Variants in RABGAP1L observed in about 807,000 individuals in gnomAD.
The protein encoded by RABGAP1L is rab GTPase-activating protein 1-like.
RABGAP1L carries 63 observed loss-of-function variants against 137.7 expected under a neutral mutation model. The ratio of observed to expected loss-of-function variants is 0.46; its 90% confidence interval spans 0.37 to 0.56. The LOEUF (loss-of-function observed/expected upper bound fraction) is 0.56, where lower values mean the gene tolerates loss of function less well. Among genes scored for constraint, RABGAP1L ranks in the 20% least tolerant of loss-of-function variants. The pLI, the probability that RABGAP1L is intolerant of heterozygous loss-of-function variation, is 0.00. For missense variants in RABGAP1L, 1,095 were observed against 1,244.0 expected (o/e 0.88, Z 1.80); for synonymous variants, 431 against 433.7 (o/e 0.99, Z 0.08).
chr1:174,929,753 AAAATAAATAAAT>A (rs61539169), intron 19 of RABGAP1L, among the ~76,000 whole-genome samples: 168 of 140,820 alleles, frequency 1.2e-3, no homozygotes, highest in African/African-American at 2.5e-3. Flanking sequence ...GTCTCTACAA[AAAATAAATAAAT>A]AAATAAATAA....
At chr1:174,298,570 G>C (rs1438221626) in intron 10 of RABGAP1L, among the ~76,000 whole-genome samples, 1 of 152,120 alleles carries the variant, frequency 6.6e-6, no homozygotes, top group African/African-American at 2.4e-5. Flanking sequence ...CCCAAAATTT[G>C]GAATTGAGTC....
At chr1:174,388,307 G>A (rs1034687455) in intron 12 of RABGAP1L, among the ~76,000 whole-genome samples, 3 of 151,722 alleles carry the variant, frequency 2.0e-5, no homozygotes, top group African/African-American at 7.3e-5. Flanking sequence ...TACACTATCA[G>A]AAAGATGTAA....
At chr1:174,368,287 A>G (rs892959913) in intron 11 of RABGAP1L, among the ~76,000 whole-genome samples, 4 of 152,238 alleles carry the variant, frequency 2.6e-5, no homozygotes, top group South Asian at 2.1e-4. Flanking sequence ...GTTTCTTACT[A>G]TTACAAGCAG....
At chr1:174,351,918 C>T (rs1683231323) in intron 11 of RABGAP1L, among the ~76,000 whole-genome samples, 1 of 152,190 alleles carries the variant, frequency 6.6e-6, no homozygotes, top group South Asian at 2.1e-4. Context: ...TCTCTTGCCT[C>T]AGCCTCCCAG....
At chr1:174,202,665 A>G (rs1668210408) in intron 1 of RABGAP1L, among the ~76,000 whole-genome samples, 1 of 152,144 alleles carries the variant, frequency 6.6e-6, no homozygotes, top group African/African-American at 2.4e-5. Flanking sequence ...ATTAGATCCC[A>G]TTTGTCAATT....
intron 18 of RABGAP1L, among the ~76,000 whole-genome samples, chr1:174,791,597 G>C (rs1687865586): frequency 6.6e-6 from 1 of 152,122 alleles, no homozygotes; most frequent in Non-Finnish European, 1.5e-5. Flanking sequence ...TTAAAAACAG[G>C]CTTCTGCTAA....
chr1:174,728,144 TC>T (rs916565259), intron 17 of RABGAP1L, among the ~76,000 whole-genome samples: 2 of 152,218 alleles, frequency 1.3e-5, no homozygotes, highest in African/African-American at 4.8e-5. Context: ...TTAATTGGTA[TC>T]CATTTAAAAT....
intron 5 of RABGAP1L, chr1:174,245,041 C>T (rs1672141555): frequency 6.6e-6 from 1 of 152,150 alleles, no homozygotes. Context: ...AGATATGACA[C>T]TGTATAAAAG....
At chr1:174,375,765 T>G (rs1028816133) in intron 12 of RABGAP1L, among the ~76,000 whole-genome samples, 2 of 151,952 alleles carry the variant, frequency 1.3e-5, no homozygotes, top group African/African-American at 2.4e-5. Flanking sequence ...TACCAAATAT[T>G]TAAGAAAAAA....
chr1:174,958,040 C>A, intron 20 of RABGAP1L: 1 of 1,530,598 alleles, frequency 6.5e-7, no homozygotes, highest in Admixed American at 2.1e-5. Flanking sequence ...TTTAGCTGTG[C>A]ATGTCATATC....
chr1:174,892,491 T>G, intron 19 of RABGAP1L: 1 of 477,436 alleles, frequency 2.1e-6, no homozygotes, highest in Non-Finnish European at 4.2e-6. Flanking sequence ...TCTTTTCTAC[T>G]TTGTAAGTTA....
intron 13 of RABGAP1L, among the ~76,000 whole-genome samples, chr1:174,624,427 A>C (rs1343863159): frequency 6.6e-6 from 1 of 152,206 alleles, no homozygotes; most frequent in African/African-American, 2.4e-5. Context: ...AATTTAAGGA[A>C]ATAATGGACT....
chr1:174,917,087 CT>C (rs1453876174), intron 19 of RABGAP1L, among the ~76,000 whole-genome samples: 4 of 152,124 alleles, frequency 2.6e-5, no homozygotes, highest in Non-Finnish European at 5.9e-5. Flanking sequence ...TTCTCTTCCT[CT>C]TCTTGTAAGG....
At chr1:174,971,379 A>G (rs1427890756) in intron 21 of RABGAP1L, among the ~76,000 whole-genome samples, 10 of 152,066 alleles carry the variant, frequency 6.6e-5, no homozygotes, top group Admixed American at 5.9e-4. Flanking sequence ...GACTGCCATT[A>G]TAGGTATTCC....
intron 13 of RABGAP1L, among the ~76,000 whole-genome samples, chr1:174,613,505 G>A (rs930718297): frequency 5.9e-5 from 9 of 152,122 alleles, no homozygotes; most frequent in African/African-American, 1.9e-4. Flanking sequence ...AATAGGTGTG[G>A]TTTGGTGCTG....
At chr1:174,917,487 A>G (rs899603425) in intron 19 of RABGAP1L, among the ~76,000 whole-genome samples, 1 of 152,196 alleles carries the variant, frequency 6.6e-6, no homozygotes, top group Non-Finnish European at 1.5e-5. Flanking sequence ...CAGCTGGTGG[A>G]AGGGGAGGCA....
chr1:174,839,266 C>T (rs1455598873), intron 19 of RABGAP1L, among the ~76,000 whole-genome samples: 1 of 152,158 alleles, frequency 6.6e-6, no homozygotes, highest in African/African-American at 2.4e-5. Flanking sequence ...GGCCTAGCCA[C>T]AAAACATACC....
intron 13 of RABGAP1L, among the ~76,000 whole-genome samples, chr1:174,413,338 C>G (rs1650163926): frequency 6.6e-6 from 1 of 152,090 alleles, no homozygotes; most frequent in Non-Finnish European, 1.5e-5. Context: ...AAAGATATTT[C>G]TCTCTTATTT....
chr1:174,611,941 T>C (rs935738188), intron 13 of RABGAP1L, among the ~76,000 whole-genome samples: 3 of 152,258 alleles, frequency 2.0e-5, no homozygotes, highest in African/African-American at 7.2e-5. Flanking sequence ...GCTTATCAGC[T>C]TAAGGAGATT....
Sources: gnomAD v4.1 joint callset for allele counts (sites outside exome capture counted in the v4.1 genomes callset) on GRCh38, gnomAD v4.1.1 for gene constraint, MANE v1.5 for transcripts, NCBI Gene and HGNC (gene_info 2026-07-23, HGNC 2026-07-21) for gene names.